ICE1: variants seen among roughly 807,000 people sequenced by gnomAD.
ICE1 encodes the protein interactor of little elongation complex ELL subunit 1.
ICE1 carries 64 observed loss-of-function variants against 192.7 expected under a neutral mutation model. That is an observed-to-expected ratio of 0.33 (90% CI 0.27 to 0.41). ICE1 has a LOEUF of 0.41. Among genes scored for constraint, ICE1 ranks in the 10% least tolerant of loss-of-function variants. The pLI, the probability that ICE1 is intolerant of heterozygous loss-of-function variation, is 1.00. For missense variants in ICE1, 2,708 were observed against 2,696.0 expected, an observed-to-expected ratio of 1.00 and a Z score of -0.10; for synonymous variants, 1,010 against 984.5, an observed-to-expected ratio of 1.03 and a Z score of -0.49.
In ICE1 at chr5:5,462,895, T is replaced by C; in HGVS notation, c.3561T>C (p.Tyr1187=). The change falls in exon 13 of 19, where the codon TAT becomes TAC. Residue 1187 remains tyrosine, a synonymous_variant. Coordinates refer to ENST00000296564, the MANE Select transcript of ICE1 (RefSeq NM_015325.3). ...TTGAGAGCTGTCAGTTAGGGGATTATAGTTCAGGGGACTCTGTTTCTGAAT... is the reference window on the plus strand; with the variant it reads ...TTGAGAGCTGTCAGTTAGGGGATTACAGTTCAGGGGACTCTGTTTCTGAAT... ...MFLESCQLGD[Y]SSGDSVSECS... 1 of 1,609,024 alleles carries C rather than the reference T, an allele frequency of 6.2e-7. No homozygotes were observed. The highest frequency in any genetic ancestry group is 1.7e-4 in the Middle Eastern group (1 of 6,056).
intron 1 of ICE1, among the ~76,000 whole-genome samples, chr5:5,429,158 T>A (rs1737620203): frequency 6.6e-6 from 1 of 152,178 alleles, no homozygotes; most frequent in East Asian, 1.9e-4. Context: ...TGAAGTGTTA[T>A]CTGCCGGGGA....
Position 5,464,374 on chromosome 5 carries a change from C to T in ICE1, c.5040C>T (p.Ala1680=). The change falls in exon 13 of 19, where the codon GCC becomes GCT. Residue 1680 remains alanine, a synonymous_variant. Transcript: ENST00000296564. This position sits in a 1 kb window ranked among gnomAD's most constrained non-coding sequence, Gnocchi z 4.0. Reference sequence around the variant, plus strand: ...TCCGTGAAACCCCAGTGCCTCCTGCCATGTCTCCATGGCCAGAGGACCCCA... The same window carrying T: ...TCCGTGAAACCCCAGTGCCTCCTGCTATGTCTCCATGGCCAGAGGACCCCA... ...SPFRETPVPP[A]MSPWPEDPRR... is the part of the protein sequence containing the mutation. The T allele has an allele frequency of 6.2e-7, 1 of 1,613,868 alleles. No individual in the cohort carries two copies. Among genetic ancestry groups the T allele is most frequent in the South Asian group, 1.1e-5 (1 of 91,078 alleles).
At position 5,457,896 on chromosome 5, in the gene ICE1, C is replaced by A. The variant is rs1418439538; in HGVS notation, c.1101+155C>A. On this transcript the variant is annotated intron_variant, in intron 12 of 18. Coordinates refer to ENST00000296564, the MANE Select transcript of ICE1 (RefSeq NM_015325.3). ...TAACATGAGGTTTTTAAAAAGCATGCCACTACCCTTTGGATCAACATATAT... is the reference window on the plus strand; with the variant it reads ...TAACATGAGGTTTTTAAAAAGCATGACACTACCCTTTGGATCAACATATAT... Among the ~76,000 whole-genome samples, 5 of 152,160 alleles carry A rather than the reference C, an allele frequency of 3.3e-5. No individual in the cohort carries two copies. The East Asian group carries it at 9.6e-4, about 29-fold the overall frequency.
chr5:5,457,579 CGGT>C lies in ICE1; in HGVS notation c.943_945del (p.Gly315del). The C allele has an allele frequency of 6.2e-7, 1 of 1,613,906 alleles. No individual in the cohort carries two copies. Among genetic ancestry groups the C allele is most frequent in the Middle Eastern group, 1.6e-4 (1 of 6,062 alleles). ...AGGTTTTAGTACAAAGTCATCGTGA[CGGT>C]GGTAGTACTGAATTTGTTGATCATG... On this transcript the variant is annotated inframe_deletion, in exon 12 of 19. Transcript: ENST00000296564.
chr5:5,489,152 T>A lies in ICE1; in HGVS notation c.6623T>A (p.Ile2208Lys), dbSNP rs767616970. 1.2e-6 allele frequency: 2 copies of A among 1,609,902 alleles called. No individual in the cohort carries two copies. ...MFIQHAHDED[I>K]PWGIQLAAVY... ...CTGATCTGAAATTTCTTTTCAGATA[T>A]ACCATGGGGTATACAGTTAGCAGCC... Residue 2208 changes from isoleucine to lysine, a missense_variant, in exon 19 of 19, where the codon ATA becomes AAA. Around this residue, in one of 2 missense-constraint regions of ICE1, gnomAD observed 342 missense variants for 419.3 expected, o/e 0.82. Coordinates refer to ENST00000296564, the MANE Select transcript of ICE1 (RefSeq NM_015325.3).
At chr5:5,474,026 T>C (rs749255618) in intron 16 of ICE1, among the ~76,000 whole-genome samples, 1 of 152,024 alleles carries the variant, frequency 6.6e-6, no homozygotes, top group Middle Eastern at 3.4e-3. Flanking sequence ...CTGGCTAACA[T>C]GATGAAACCC....
intron 18 of ICE1, among the ~76,000 whole-genome samples, chr5:5,488,336 A>G (rs890314850): frequency 5.3e-5 from 8 of 152,144 alleles, no homozygotes; most frequent in Non-Finnish European, 8.8e-5. Context: ...TAGACTTCAG[A>G]TTTTCTTGGA....
At chr5:5,466,193 G>C (rs1355439791) in intron 13 of ICE1, 141 bp from the exon 14 acceptor site, 11 of 671,512 alleles carry the variant, frequency 1.6e-5, no homozygotes, top group Non-Finnish European at 1.8e-5. Flanking sequence ...GTTCTTACCA[G>C]TTACTATGCT....
Position 5,462,330 on chromosome 5 carries a change from G to A in ICE1, c.2996G>A (p.Gly999Asp), listed in dbSNP as rs770077472. The change falls in exon 13 of 19, where the codon GGC (glycine) becomes GAC (aspartate). Residue 999 changes from glycine (G) to aspartate (D), a missense_variant. This residue lies in a region of ICE1 where 2,366 missense variants were observed against 2,276.6 expected (regional missense o/e 1.04). Coordinates refer to ENST00000296564, the MANE Select transcript of ICE1 (RefSeq NM_015325.3). The stretch of plus-strand genomic sequence containing the variant: ...GATCTGGACTCCAGTGGGACACATG[G>A]CAGTGAGATGCTTCCAGCCACAGAA... ...ATDLDSSGTH[G>D]SEMLPATEVT... The A allele has an allele frequency of 6.2e-7, 1 of 1,613,990 alleles. No homozygotes were observed. The highest frequency in any genetic ancestry group is 8.5e-7 in the Non-Finnish European group (1 of 1,179,898).
chr5:5,444,352 G>T, intron 7 of ICE1, 26 bp downstream of exon 7: 1 of 1,540,726 alleles, frequency 6.5e-7, no homozygotes, highest in Non-Finnish European at 8.8e-7. Flanking sequence ...GTTACCTGAA[G>T]TTTTCGGTCA....
intron 5 of ICE1, among the ~76,000 whole-genome samples, chr5:5,441,707 T>C (rs1738058863): frequency 6.6e-6 from 1 of 152,204 alleles, no homozygotes; most frequent in Non-Finnish European, 1.5e-5. Flanking sequence ...TGAGTTAAGA[T>C]GTCCTTTAAA....
chr5:5,464,184 C>T lies in ICE1; in HGVS notation c.4850C>T (p.Ser1617Phe), dbSNP rs1274703329. The change falls in exon 13 of 19, where the codon TCT (serine) becomes TTT (phenylalanine). Residue 1617 changes from serine (S) to phenylalanine (F), a missense_variant. By Grantham distance (155) the Ser-to-Phe change is radical. Coordinates refer to ENST00000296564, the MANE Select transcript of ICE1 (RefSeq NM_015325.3). The surrounding 1 kb of genome is among the most constrained non-coding windows in gnomAD (Gnocchi z 4.0). ...GATACATCCACTCCTACAGATTGTT[C>T]TCCTGACACACTGAGTAAAATACGG... Reference protein sequence around the residue: ...NADTSTPTDCSPDTLSKIRQE... With the variant: ...NADTSTPTDCFPDTLSKIRQE... The T allele has an allele frequency of 1.2e-6, 2 of 1,613,710 alleles. No homozygotes were observed. Among genetic ancestry groups the T allele is most frequent in the Non-Finnish European group, 1.7e-6 (2 of 1,179,878 alleles).
At chr5:5,426,808 A>G (rs550323780) in intron 1 of ICE1, among the ~76,000 whole-genome samples, 1 of 152,368 alleles carries the variant, frequency 6.6e-6, no homozygotes, top group South Asian at 2.1e-4. Flanking sequence ...TAATTTTCGC[A>G]TGTATTATAA....
intron 10 of ICE1, among the ~76,000 whole-genome samples, chr5:5,453,367 C>T (rs972597471): frequency 2.0e-5 from 3 of 152,138 alleles, no homozygotes; most frequent in Non-Finnish European, 4.4e-5. Flanking sequence ...AACTGTCCTC[C>T]ACAGTTGTCC....
intron 10 of ICE1, among the ~76,000 whole-genome samples, chr5:5,449,438 A>G (rs1738349757): frequency 6.6e-6 from 1 of 151,728 alleles, no homozygotes; most frequent in Admixed American, 6.6e-5. Context: ...TTTCTTTAAA[A>G]TTCCAACAAA....
chr5:5,451,263 C>T (rs1276462046), intron 10 of ICE1, among the ~76,000 whole-genome samples: 1 of 152,216 alleles, frequency 6.6e-6, no homozygotes, highest in Middle Eastern at 3.4e-3. Context: ...TAAGATATAG[C>T]CAATTCCTTC....
chr5:5,448,980 A>G (rs1579552659), intron 10 of ICE1, among the ~76,000 whole-genome samples: 1 of 152,208 alleles, frequency 6.6e-6, no homozygotes, highest in Admixed American at 6.5e-5. Context: ...TTGCTTTCCC[A>G]TTCAGTAGTC....
Position 5,457,716 on chromosome 5 carries a change from G to A in ICE1, c.1076G>A (p.Gly359Asp), listed in dbSNP as rs1738631576. The A allele has an allele frequency of 6.2e-7, 1 of 1,611,918 alleles. No individual in the cohort carries two copies. Reference sequence around the variant, plus strand: ...CCTCCGATGTCATCACCTCACCCGGGTTCCTTACCGTCTTCATTTGCACCT... The same window carrying A: ...CCTCCGATGTCATCACCTCACCCGGATTCCTTACCGTCTTCATTTGCACCT... ...SPPPMSSPHP[G>D]SLPSSFAPET... Residue 359 changes from glycine (G) to aspartate (D), a missense_variant, in exon 12 of 19, where the codon GGT (glycine) becomes GAT (aspartate). Gly to Asp is a moderately conservative substitution (Grantham distance 94, BLOSUM62 -1). Transcript: ENST00000296564.
chr5:5,440,022 G>T, intron 4 of ICE1, 109 bp downstream of exon 4: 1 of 608,282 alleles, frequency 1.6e-6, no homozygotes, highest in Admixed American at 3.8e-5. Context: ...AATGTACATA[G>T]GATTACTCAT....
Sources: allele counts gnomAD v4.1 joint callset (sites outside exome capture counted in the v4.1 genomes callset), GRCh38; gene constraint gnomAD v4.1.1; regional missense constraint gnomAD v4.1.1; non-coding constraint Gnocchi (gnomAD v3.1); transcripts MANE v1.5; gene names NCBI Gene and HGNC (gene_info 2026-07-23, HGNC 2026-07-21).